Variants in DNAH7 observed in about 807,000 individuals in gnomAD.
DNAH7 encodes the protein dynein axonemal heavy chain 7.
Under a neutral mutation model 444.6 loss-of-function variants are expected in DNAH7, and 397 were observed. The ratio of observed to expected loss-of-function variants is 0.89; its 90% confidence interval spans 0.82 to 0.97. The LOEUF (loss-of-function observed/expected upper bound fraction) is 0.97. Among genes scored for constraint, DNAH7 ranks in the 50% least tolerant of loss-of-function variants. The pLI is 0.00. For missense variants in DNAH7, 4,902 were observed against 4,800.8 expected (o/e 1.02, Z -0.62); for synonymous variants, 1,636 against 1,624.4 (o/e 1.01, Z -0.17).
At chr2:195,846,947 A>ATGTGTGTGTGTGTGTG (rs1315064692) in intron 46 of DNAH7, among the ~76,000 whole-genome samples, 22 of 108,886 alleles carry the variant, frequency 2.0e-4, no homozygotes, top group African/African-American at 1.1e-3. Context: ...AAACTCCCAT[A>ATGTGTGTGTGTGTGTG]TATGTGTGTG....
chr2:195,961,022 A>C, intron 17 of DNAH7, 77 bp from the exon 18 acceptor site: 50 of 1,245,148 alleles, frequency 4.0e-5, no homozygotes, highest in Non-Finnish European at 5.3e-5. Context: ...TTAAATATCT[A>C]TTTCAAATGT....
chr2:195,738,138 G>A lies in DNAH7; in HGVS notation c.11869-11C>T. ...GGGCTTTAGCCACATCTGGAAGAAA[G>A]TACATAACACCTCTTTAAGTCAAGG... is the stretch of plus-strand genomic sequence containing the variant. On this transcript the variant is annotated splice_polypyrimidine_tract_variant and intron_variant, in intron 64 of 64. Transcript: ENST00000312428. 6.2e-7 allele frequency: 1 copy of A among 1,610,430 alleles called. No homozygotes were observed. The highest frequency in any genetic ancestry group is 1.7e-4 in the Middle Eastern group (1 of 5,974).
chr2:195,796,366 G>T (rs540038669), intron 56 of DNAH7, among the ~76,000 whole-genome samples: 32 of 152,250 alleles, frequency 2.1e-4, no homozygotes, highest in South Asian at 1.2e-3. Flanking sequence ...CCTTGTCCCT[G>T]TTAAGAGGGA....
intron 49 of DNAH7, among the ~76,000 whole-genome samples, chr2:195,819,388 G>T (rs1335059309): frequency 1.3e-5 from 2 of 152,148 alleles, no homozygotes; most frequent in Non-Finnish European, 1.5e-5. Context: ...ACAAAGTCAT[G>T]CTCCCTACAA....
At chr2:196,059,118 T>A (rs1007876813) in intron 1 of DNAH7, among the ~76,000 whole-genome samples, 3 of 152,184 alleles carry the variant, frequency 2.0e-5, no homozygotes, top group Non-Finnish European at 4.4e-5. Flanking sequence ...TCTAATTTAT[T>A]CAAAACTTAC....
intron 49 of DNAH7, among the ~76,000 whole-genome samples, chr2:195,821,339 T>C (rs576439957): frequency 9.2e-5 from 14 of 152,326 alleles, no homozygotes; most frequent in African/African-American, 3.4e-4. Context: ...AGGTTGCTGT[T>C]CTCTCTACTT....
At chr2:196,051,109 A>C in intron 3 of DNAH7, 78 bp downstream of exon 3, 11 of 1,293,292 alleles carry the variant, frequency 8.5e-6, no homozygotes, top group Non-Finnish European at 1.2e-5. Flanking sequence ...GAATTTGCTT[A>C]CTTATTTTCA....
chr2:195,989,972 T>A (rs923454848), intron 12 of DNAH7, among the ~76,000 whole-genome samples: 1 of 152,218 alleles, frequency 6.6e-6, no homozygotes, highest in Non-Finnish European at 1.5e-5. Context: ...TATCTCTTTA[T>A]AGCGATACAA....
chr2:195,750,124 T>A (rs532224981), intron 63 of DNAH7, among the ~76,000 whole-genome samples: 1 of 152,316 alleles, frequency 6.6e-6, no homozygotes, highest in African/African-American at 2.4e-5. Context: ...ATAGGCTTTA[T>A]GGATCCTTTA....
In DNAH7 at chr2:195,884,546, C is replaced by A. The variant is rs957221266; in HGVS notation, c.5763+39G>T. The A allele has an allele frequency of 5.3e-6, 8 of 1,506,362 alleles. 1 individual carries two copies. Among genetic ancestry groups the A allele is most frequent in the Non-Finnish European group, 7.4e-6 (8 of 1,083,950 alleles). 93.3% of individuals were successfully genotyped at this position (1,506,362 alleles called of 1,614,324 possible). On this transcript the variant is annotated intron_variant, in intron 35 of 64. Coordinates refer to ENST00000312428, the MANE Select transcript of DNAH7 (RefSeq NM_018897.3). ...GCTATGTGTCAGAGAGGGGACTCTG[C>A]CAGGCTGGCAGCTGCAAATCTTGCT...
In DNAH7 at chr2:195,737,948, T is replaced by C; in HGVS notation, c.12048A>G (p.Val4016=). ...ATGAATTAAGTTGACATAACAGTGC[T>C]ACACCTCGTCCAATCCAGTGTTCCT... ...QPKEHWIGRG[V]ALLCQLNS The change falls in exon 65 of 65, where the codon GTA becomes GTG. Residue 4016 remains valine, a synonymous_variant. Transcript: ENST00000312428. The C allele has an allele frequency of 3.1e-6, 5 of 1,614,114 alleles. No individual in the cohort carries two copies. Among genetic ancestry groups the C allele is most frequent in the Non-Finnish European group, 4.2e-6 (5 of 1,179,934 alleles).
chr2:195,980,675 T>C (rs1692514894), intron 15 of DNAH7, among the ~76,000 whole-genome samples: 1 of 152,172 alleles, frequency 6.6e-6, no homozygotes, highest in Admixed American at 6.5e-5. Flanking sequence ...TAGGTGGGAT[T>C]TATCCCAGGG....
intron 7 of DNAH7, among the ~76,000 whole-genome samples, chr2:196,026,423 A>T (rs1695691828): frequency 6.6e-6 from 1 of 152,186 alleles, no homozygotes; most frequent in Non-Finnish European, 1.5e-5. Context: ...GAATGAAGAG[A>T]CCATCTTAAA....
At chr2:195,974,755 TACACACACACACACAC>T (rs58054572) in intron 15 of DNAH7, among the ~76,000 whole-genome samples, 14 of 143,656 alleles carry the variant, frequency 9.7e-5, no homozygotes, top group East Asian at 2.0e-4. Context: ...ATGTATATTT[TACACACACACACACAC>T]ACACACACAC....
In DNAH7 at chr2:196,051,304, G is replaced by T; in HGVS notation, c.79-55C>A. The T allele has an allele frequency of 2.8e-6, 4 of 1,433,228 alleles. No individual in the cohort carries two copies. In the South Asian group the frequency reaches 3.5e-5, roughly 12 times the overall value. The allele number at this position is 1,433,228 out of a possible 1,614,324, so 88.8% of individuals were successfully genotyped here. ...TGTTTACTCTGTTAGTGCTAAAATT[G>T]ATTCACTGAACCAAATTTTACAGAA... On this transcript the variant is annotated intron_variant, in intron 2 of 64. Coordinates refer to ENST00000312428, the MANE Select transcript of DNAH7 (RefSeq NM_018897.3).
chr2:195,903,629 G>A (rs1686838256), intron 27 of DNAH7: 1 of 152,108 alleles, frequency 6.6e-6, no homozygotes, highest in Admixed American at 6.6e-5. Flanking sequence ...GTAACAGGAT[G>A]TCAAAATGGG....
intron 44 of DNAH7, 90 bp from the exon 45 acceptor site, chr2:195,856,081 A>G (rs919971857): frequency 1.7e-6 from 2 of 1,197,502 alleles, no homozygotes; most frequent in African/African-American, 3.1e-5. Flanking sequence ...TACCCTTACT[A>G]TAACTGAAAA....
At chr2:195,965,543 T>C (rs1040294186) in intron 17 of DNAH7, among the ~76,000 whole-genome samples, 2 of 152,138 alleles carry the variant, frequency 1.3e-5, no homozygotes, top group African/African-American at 4.8e-5. Context: ...GGATTGACAT[T>C]AGTTCTTTTG....
At chr2:195,744,393 A>T (rs1014708535) in intron 63 of DNAH7, among the ~76,000 whole-genome samples, 19 of 152,164 alleles carry the variant, frequency 1.2e-4, no homozygotes, top group Non-Finnish European at 2.6e-4. Context: ...ACCACAGCTC[A>T]AGGAGGCCTG....
Sources: allele counts gnomAD v4.1 joint callset (sites outside exome capture counted in the v4.1 genomes callset), GRCh38; gene constraint gnomAD v4.1.1; transcripts MANE v1.5; gene names NCBI Gene and HGNC (gene_info 2026-07-23, HGNC 2026-07-21).